CDH12: variants seen among roughly 807,000 people sequenced by gnomAD.
CDH12 encodes the protein cadherin 12, also known as cadherin-12.
Under a neutral mutation model 74.1 loss-of-function variants are expected in CDH12, and 41 were observed. That is an observed-to-expected ratio of 0.55 (90% CI 0.43 to 0.72). CDH12 has a LOEUF of 0.72. CDH12 is among the 30% of genes least tolerant of loss of function. CDH12 has a pLI of 0.00. For synonymous variants in CDH12, 399 were observed against 355.0 expected (o/e 1.12, Z -1.39); for missense variants, 945 against 977.2 (o/e 0.97, Z 0.44).
intron 1 of CDH12, among the ~76,000 whole-genome samples, chr5:22,616,719 T>C (rs1737708232): frequency 1.3e-5 from 2 of 151,892 alleles, no homozygotes; most frequent in South Asian, 4.1e-4. Flanking sequence ...GGATGGATGG[T>C]GAGTGCTATG....
intron 4 of CDH12, among the ~76,000 whole-genome samples, chr5:22,079,193 C>T (rs1043809267): frequency 2.0e-5 from 3 of 152,194 alleles, no homozygotes; most frequent in Non-Finnish European, 4.4e-5. Context: ...GATCTTGCAA[C>T]TTCAGCATTA....
intron 5 of CDH12, among the ~76,000 whole-genome samples, chr5:22,062,137 A>G (rs1191922284): frequency 6.6e-6 from 1 of 152,136 alleles, no homozygotes; most frequent in Middle Eastern, 3.2e-3. Flanking sequence ...GTATTCATAT[A>G]TTGATTTAAA....
chr5:22,181,249 A>G (rs1185935856), intron 4 of CDH12, among the ~76,000 whole-genome samples: 1 of 152,158 alleles, frequency 6.6e-6, no homozygotes, highest in Non-Finnish European at 1.5e-5. Context: ...GAACAAATCT[A>G]ATAAACATTA....
At chr5:21,760,529 G>A in intron 13 of CDH12, 29 bp downstream of exon 13, 1 of 1,046,588 alleles carries the variant, frequency 9.6e-7, no homozygotes, top group Non-Finnish European at 1.5e-6. Flanking sequence ...TACATGATAA[G>A]AGGTAAATTT....
At chr5:22,243,918 A>C (rs1752829996) in intron 3 of CDH12, among the ~76,000 whole-genome samples, 1 of 152,190 alleles carries the variant, frequency 6.6e-6, no homozygotes, top group African/African-American at 2.4e-5. Flanking sequence ...TGAGCAGCAA[A>C]ACCTATTATT....
At chr5:22,125,721 A>G (rs1393802076) in intron 4 of CDH12, among the ~76,000 whole-genome samples, 1 of 152,150 alleles carries the variant, frequency 6.6e-6, no homozygotes, top group East Asian at 1.9e-4. Context: ...AGTTCCATGT[A>G]CACATCCCAG....
At chr5:22,032,791 TTA>T (rs921878189) in intron 5 of CDH12, among the ~76,000 whole-genome samples, 9 of 146,706 alleles carry the variant, frequency 6.1e-5, no homozygotes, top group African/African-American at 1.7e-4. Flanking sequence ...GCATACATAT[TTA>T]TATATATATA....
chr5:22,676,626 A>T (rs533244037), intron 1 of CDH12, among the ~76,000 whole-genome samples: 1 of 152,322 alleles, frequency 6.6e-6, no homozygotes, highest in East Asian at 1.9e-4. Flanking sequence ...GTATTCTTGT[A>T]AGTACTAAAA....
intron 5 of CDH12, among the ~76,000 whole-genome samples, chr5:22,000,231 G>A (rs1736523605): frequency 6.6e-6 from 1 of 151,990 alleles, no homozygotes; most frequent in Non-Finnish European, 1.5e-5. Context: ...CAAAGCTCTG[G>A]GATTACAGGT....
intron 1 of CDH12, among the ~76,000 whole-genome samples, chr5:22,650,065 A>T (rs1014099397): frequency 1.3e-5 from 2 of 152,062 alleles, no homozygotes; most frequent in Non-Finnish European, 2.9e-5. Flanking sequence ...AAAATAATAC[A>T]CTTAGTCTGG....
intron 1 of CDH12, among the ~76,000 whole-genome samples, chr5:22,632,200 T>C (rs1738619768): frequency 1.3e-5 from 2 of 151,984 alleles, no homozygotes; most frequent in Admixed American, 1.3e-4. Context: ...CACATACACC[T>C]CTGATACTAA....
At chr5:22,776,169 T>C (rs1747090692) in intron 1 of CDH12, among the ~76,000 whole-genome samples, 1 of 151,918 alleles carries the variant, frequency 6.6e-6, no homozygotes, top group Non-Finnish European at 1.5e-5. Context: ...GTACATGGAG[T>C]GAGGATATTT....
chr5:22,531,223 C>A (rs1737569888), intron 1 of CDH12, among the ~76,000 whole-genome samples: 1 of 152,024 alleles, frequency 6.6e-6, no homozygotes, highest in East Asian at 1.9e-4. Context: ...ATAACTTATA[C>A]AAAAATTTTG....
At chr5:21,871,055 T>C (rs1751591424) in intron 6 of CDH12, among the ~76,000 whole-genome samples, 1 of 152,128 alleles carries the variant, frequency 6.6e-6, no homozygotes, top group Non-Finnish European at 1.5e-5. Context: ...ACAACACCAA[T>C]TCTTGGGCTC....
At chr5:22,635,743 GT>G (rs1738807567) in intron 1 of CDH12, among the ~76,000 whole-genome samples, 2 of 151,910 alleles carry the variant, frequency 1.3e-5, no homozygotes, top group Non-Finnish European at 2.9e-5. Flanking sequence ...GTGAAACCTC[GT>G]CTCTACTGAA....
chr5:21,971,326 G>A (rs1460024961), intron 6 of CDH12, among the ~76,000 whole-genome samples: 1 of 151,814 alleles, frequency 6.6e-6, no homozygotes, highest in Non-Finnish European at 1.5e-5. Flanking sequence ...CTTATCCACA[G>A]GGGTTATTAA....
chr5:22,630,737 C>A (rs981661877), intron 1 of CDH12, among the ~76,000 whole-genome samples: 1 of 152,068 alleles, frequency 6.6e-6, no homozygotes, highest in African/African-American at 2.4e-5. Context: ...TCAAAGATTT[C>A]ATGACAAAGA....
intron 3 of CDH12, among the ~76,000 whole-genome samples, chr5:22,384,339 A>G (rs1741898721): frequency 6.6e-6 from 1 of 151,280 alleles, no homozygotes. Flanking sequence ...CCTGGCTAAC[A>G]CGGTGAAACC....
intron 1 of CDH12, among the ~76,000 whole-genome samples, chr5:22,592,804 C>T (rs1343090834): frequency 1.3e-5 from 2 of 151,334 alleles, no homozygotes; most frequent in South Asian, 2.1e-4. Flanking sequence ...ACTTTGGGAG[C>T]GGATCACCTG....
Sources: allele counts gnomAD v4.1 joint callset (sites outside exome capture counted in the v4.1 genomes callset), GRCh38; gene constraint gnomAD v4.1.1; transcripts MANE v1.5; gene names NCBI Gene and HGNC (gene_info 2026-07-23, HGNC 2026-07-21).